RD3: variants seen among roughly 807,000 people sequenced by gnomAD.
The protein encoded by RD3 is protein RD3.
Under a neutral mutation model 16.9 loss-of-function variants are expected in RD3, and 11 were observed. That is an observed-to-expected ratio of 0.65 (90% CI 0.41 to 1.08). The LOEUF (loss-of-function observed/expected upper bound fraction) is 1.08, where lower values mean the gene tolerates loss of function less well. Ranked by LOEUF, RD3 falls within the 50% of genes least tolerant of loss-of-function variation. The pLI is 0.00. For synonymous variants in RD3, 116 were observed against 114.8 expected, an observed-to-expected ratio of 1.01 and a Z score of -0.07; for missense variants, 274 against 267.4, an observed-to-expected ratio of 1.02 and a Z score of -0.17.
intron 1 of RD3, 121 bp from the exon 2 acceptor site, chr1:211,481,547 C>G: frequency 1.2e-6 from 1 of 868,308 alleles, no homozygotes; most frequent in Non-Finnish European, 1.8e-6. Context: ...CTGCTCTGCC[C>G]TAACAGTTGA....
Position 211,479,318 on chromosome 1 carries a change from C to A in RD3, c.306G>T (p.Gln102His). The change falls in exon 3 of 3, where the codon CAG becomes CAT. Residue 102 changes from glutamine (Q) to histidine (H), a missense_variant. Gln to His is a conservative substitution (Grantham distance 24). Transcript: ENST00000680073. ...YCGPAILRFR[Q>H]LLAEQEPEVQ... Reference sequence around the variant, plus strand: ...CCTCGGGCTCCTGCTCCGCCAGCAGCTGCCGGAACCTGGGCGGGAGGGGAG... The same window carrying A: ...CCTCGGGCTCCTGCTCCGCCAGCAGATGCCGGAACCTGGGCGGGAGGGGAG... 6.2e-7 allele frequency: 1 copy of A among 1,603,384 alleles called. No individual in the cohort carries two copies. Among genetic ancestry groups the A allele is most frequent in the Non-Finnish European group, 8.5e-7 (1 of 1,175,182 alleles).
chr1:211,478,106 C>G lies in RD3; in HGVS notation c.*930G>C, dbSNP rs567082113. On this transcript the variant is annotated 3_prime_UTR_variant, in exon 3 of 3. Coordinates refer to ENST00000680073, the MANE Select transcript of RD3 (RefSeq NM_001164688.2). ...TGTGACCAGCTGCAGAAAGCGGAAC[C>G]CTGGAATTGAGAAACCTGGGCTCTT... The G allele has an allele frequency of 7.5e-6, 3 of 398,678 alleles. No individual in the cohort carries two copies. Among genetic ancestry groups the G allele is most frequent in the South Asian group, 1.3e-4 (1 of 7,864 alleles). 24.7% of individuals were successfully genotyped at this position (398,678 alleles called of 1,614,324 possible).
chr1:211,482,322 G>A (rs929761517), intron 1 of RD3, among the ~76,000 whole-genome samples: 2 of 151,976 alleles, frequency 1.3e-5, no homozygotes, highest in African/African-American at 4.9e-5. Flanking sequence ...CATCTGTGGA[G>A]GGACATAAAC....
At chr1:211,488,793 C>T (rs963564878) in intron 1 of RD3, among the ~76,000 whole-genome samples, 5 of 152,152 alleles carry the variant, frequency 3.3e-5, no homozygotes, top group Admixed American at 6.5e-5. Flanking sequence ...ACATGCCTTC[C>T]GTTCCCTCTC....
At chr1:211,486,482 A>G (rs10157576) in intron 1 of RD3, among the ~76,000 whole-genome samples, 100,142 of 151,570 alleles carry the variant, frequency 0.66, 33,840 homozygotes, top group East Asian at 0.92. Flanking sequence ...CTGGGCAACA[A>G]AGAGAGACTC....
At chr1:211,479,646 GA>G (rs150297454) in intron 2 of RD3, among the ~76,000 whole-genome samples, 6,741 of 152,246 alleles carry the variant, frequency 0.044, 181 homozygotes, top group African/African-American at 0.076. Context: ...TGTTGATGAC[GA>G]AGCATTAAGG....
intron 1 of RD3, among the ~76,000 whole-genome samples, chr1:211,487,269 C>G (rs1019871520): frequency 2.0e-5 from 3 of 152,178 alleles, no homozygotes; most frequent in Admixed American, 2.0e-4. Flanking sequence ...CCTAGTAATC[C>G]TCTCACCAGA....
chr1:211,484,232 G>T (rs1705331059), intron 1 of RD3, among the ~76,000 whole-genome samples: 1 of 152,180 alleles, frequency 6.6e-6, no homozygotes, highest in African/African-American at 2.4e-5. Context: ...CATCCCTGGG[G>T]CTGGACATGT....
In RD3 at chr1:211,478,864, A is replaced by C. The variant is rs1276975986; in HGVS notation, c.*172T>G. On this transcript the variant is annotated 3_prime_UTR_variant, in exon 3 of 3. Coordinates refer to ENST00000680073, the MANE Select transcript of RD3 (RefSeq NM_001164688.2). ...CTAACTCAGCTTTGTGGCCAGAGGA[A>C]GAGGATGGGGCAGGGAGTCGCTTCA... 10 of 631,624 alleles carry C rather than the reference A, an allele frequency of 1.6e-5. No homozygotes were observed. Among genetic ancestry groups the C allele is most frequent in the African/African-American group, 1.8e-5 (1 of 54,402 alleles). The allele number at this position is 631,624 out of a possible 1,614,324, so 39.1% of individuals were successfully genotyped here. A position where few individuals can be genotyped will look rare whatever the true frequency, so the allele number is the denominator to read the frequency against.
chr1:211,484,024 T>G (rs1381369390), intron 1 of RD3, among the ~76,000 whole-genome samples: 1 of 152,132 alleles, frequency 6.6e-6, no homozygotes, highest in Non-Finnish European at 1.5e-5. Flanking sequence ...GGAGACCAGG[T>G]CTAGGGTCAG....
At chr1:211,480,416 G>A (rs143742257) in intron 2 of RD3, among the ~76,000 whole-genome samples, 5 of 152,256 alleles carry the variant, frequency 3.3e-5, no homozygotes, top group African/African-American at 7.2e-5. Context: ...ACTAACAGGA[G>A]TTTTAAGATG....
chr1:211,491,890 A>AGCAGG lies in RD3; in HGVS notation c.-139_-135dup, dbSNP rs1571565369. 3 of 152,440 alleles carry AGCAGG rather than the reference A, an allele frequency of 2.0e-5. No individual in the cohort carries two copies. In the South Asian group the frequency reaches 6.2e-4, roughly 32 times the overall value. 9.4% of individuals were successfully genotyped at this position (152,440 alleles called of 1,614,324 possible). On this transcript the variant is annotated 5_prime_UTR_variant, in exon 1 of 3. Transcript: ENST00000680073. ...AAAAAAAAGAAAGTTGAGCAGCCAC[A>AGCAGG]GCAGGGCAGGGCAGTCTACATCCTC...
At chr1:211,486,789 G>A (rs1217679660) in intron 1 of RD3, among the ~76,000 whole-genome samples, 6 of 152,130 alleles carry the variant, frequency 3.9e-5, no homozygotes. Context: ...GTTGCAGTGA[G>A]CCGAGATTGC....
intron 1 of RD3, among the ~76,000 whole-genome samples, chr1:211,485,822 C>T (rs1318552960): frequency 6.6e-6 from 1 of 152,182 alleles, no homozygotes; most frequent in Non-Finnish European, 1.5e-5. Context: ...CACTTACAAC[C>T]TGCCTCAAAC....
At chr1:211,480,769 C>G (rs1286724293) in intron 2 of RD3, among the ~76,000 whole-genome samples, 1 of 152,060 alleles carries the variant, frequency 6.6e-6, no homozygotes, top group Non-Finnish European at 1.5e-5. Flanking sequence ...GAAAACTTCT[C>G]CGAGAAGGTA....
Position 211,482,311 on chromosome 1 carries a change from A to T in RD3, c.-11-885T>A, listed in dbSNP as rs538904998. On this transcript the variant is annotated intron_variant, in intron 1 of 2. Coordinates refer to ENST00000680073, the MANE Select transcript of RD3 (RefSeq NM_001164688.2). ...TCAGCATTAATCAAGCACTGTGTACACATCTGTGGAGGGACATAAACACGA... is the reference window on the plus strand; with the variant it reads ...TCAGCATTAATCAAGCACTGTGTACTCATCTGTGGAGGGACATAAACACGA... Among the ~76,000 whole-genome samples, 76 of 152,116 alleles carry T rather than the reference A, an allele frequency of 5.0e-4. 1 individual carries two copies. In the South Asian group the frequency reaches 8.1e-3, roughly 16 times the overall value.
chr1:211,486,976 T>C (rs771453645), intron 1 of RD3, among the ~76,000 whole-genome samples: 39 of 152,290 alleles, frequency 2.6e-4, no homozygotes, highest in Middle Eastern at 3.4e-3. Flanking sequence ...TACATAAATA[T>C]GTATACACAC....
At chr1:211,490,452 G>C (rs549554521) in intron 1 of RD3, among the ~76,000 whole-genome samples, 1 of 152,234 alleles carries the variant, frequency 6.6e-6, no homozygotes, top group Non-Finnish European at 1.5e-5. Context: ...GTGACCCGCC[G>C]GACCCAGGCA....
At chr1:211,486,789 G>T (rs1217679660) in intron 1 of RD3, among the ~76,000 whole-genome samples, 1 of 152,248 alleles carries the variant, frequency 6.6e-6, no homozygotes, top group South Asian at 2.1e-4. Flanking sequence ...GTTGCAGTGA[G>T]CCGAGATTGC....
Sources: allele counts gnomAD v4.1 joint callset (sites outside exome capture counted in the v4.1 genomes callset), GRCh38; gene constraint gnomAD v4.1.1; transcripts MANE v1.5; gene names NCBI Gene and HGNC (gene_info 2026-07-23, HGNC 2026-07-21).